Variants in CACNA1C observed in about 807,000 individuals in gnomAD.
The protein encoded by CACNA1C is voltage-dependent L-type calcium channel subunit alpha-1C.
A neutral mutation model predicts 229.0 loss-of-function variants in CACNA1C; 30 were observed. That is an observed-to-expected ratio of 0.13 (90% CI 0.10 to 0.18). The LOEUF is 0.18. Ranked by LOEUF, CACNA1C falls within the 10% of genes least tolerant of loss-of-function variation. The pLI is 1.00. For missense variants in CACNA1C, 1,658 were observed against 2,845.0 expected (o/e 0.58, Z 9.49); for synonymous variants, 1,114 against 1,132.5 (o/e 0.98, Z 0.33).
intron 3 of CACNA1C, among the ~76,000 whole-genome samples, chr12:2,381,588 C>T (rs1164733895): frequency 6.6e-6 from 1 of 152,194 alleles, no homozygotes; most frequent in Non-Finnish European, 1.5e-5. Flanking sequence ...TCCAGGTTTT[C>T]CTCGATGTAA....
chr12:2,099,995 A>T (rs896305854), intron 1 of CACNA1C, among the ~76,000 whole-genome samples: 2 of 152,236 alleles, frequency 1.3e-5, no homozygotes, highest in African/African-American at 2.4e-5. Flanking sequence ...ACAGCTAGCA[A>T]CTGACAGAGG....
chr12:2,541,307 T>C (rs1462529484), intron 9 of CACNA1C, among the ~76,000 whole-genome samples: 1 of 152,132 alleles, frequency 6.6e-6, no homozygotes, highest in African/African-American at 2.4e-5. Context: ...GTCAATGAGG[T>C]AGGAAATGAG....
chr12:2,139,502 C>A (rs1405886473), intron 3 of CACNA1C, among the ~76,000 whole-genome samples: 1 of 151,230 alleles, frequency 6.6e-6, no homozygotes, highest in African/African-American at 2.4e-5. Context: ...ACAGCTGGGG[C>A]CTTGCGCATG....
chr12:2,247,228 A>G (rs1490538431), intron 3 of CACNA1C, among the ~76,000 whole-genome samples: 1 of 152,000 alleles, frequency 6.6e-6, no homozygotes, highest in Admixed American at 6.5e-5. Context: ...CTCTCTCTAT[A>G]TGGTCACAGT....
intron 7 of CACNA1C, among the ~76,000 whole-genome samples, chr12:2,496,962 C>T (rs1424219452): frequency 6.6e-6 from 1 of 152,156 alleles, no homozygotes. Context: ...AGATAAAAAG[C>T]GCTGGCCTTC....
chr12:2,521,072 A>C (rs2099808870), intron 9 of CACNA1C, among the ~76,000 whole-genome samples: 1 of 152,246 alleles, frequency 6.6e-6, no homozygotes. Flanking sequence ...TAACCTTGAT[A>C]AGCCAACAAA....
At chr12:2,652,137 C>G (rs2095052526) in intron 32 of CACNA1C, among the ~76,000 whole-genome samples, 1 of 152,194 alleles carries the variant, frequency 6.6e-6, no homozygotes, top group South Asian at 2.1e-4. Context: ...AACCTGGTGA[C>G]CGCTATGGCC....
At chr12:2,459,409 C>T (rs1478598497) in intron 5 of CACNA1C, among the ~76,000 whole-genome samples, 3 of 152,020 alleles carry the variant, frequency 2.0e-5, no homozygotes, top group African/African-American at 7.2e-5. Context: ...CCTCTGATTC[C>T]CACACAACAT....
At chr12:2,180,115 C>A (rs2096789534) in intron 3 of CACNA1C, among the ~76,000 whole-genome samples, 1 of 152,252 alleles carries the variant, frequency 6.6e-6, no homozygotes, top group Non-Finnish European at 1.5e-5. Context: ...GTAACCCCAA[C>A]AGTGTCTGTT....
intron 18 of CACNA1C, among the ~76,000 whole-genome samples, chr12:2,588,045 C>G (rs1344144950): frequency 6.6e-6 from 1 of 152,242 alleles, no homozygotes; most frequent in East Asian, 1.9e-4. Context: ...TGCTTCCCAG[C>G]TCTTCCTGCC....
At chr12:2,372,501 C>T (rs901330243) in intron 3 of CACNA1C, among the ~76,000 whole-genome samples, 5 of 152,168 alleles carry the variant, frequency 3.3e-5, no homozygotes, top group African/African-American at 9.7e-5. Context: ...CCAGTTAATC[C>T]AGGAGAGATG....
Position 2,602,125 on chromosome 12 carries a change from G to GT in CACNA1C, c.2960+166dup, listed in dbSNP as rs975017980. 6.6e-6 allele frequency among the ~76,000 whole-genome samples: 1 copy of GT among 152,230 alleles called. No individual in the cohort carries two copies. The highest frequency in any genetic ancestry group is 2.4e-5 in the African/African-American group (1 of 41,464). On this transcript the variant is annotated intron_variant, in intron 22 of 46. Transcript: ENST00000399655. This position sits in a 1 kb window ranked among gnomAD's most constrained non-coding sequence, Gnocchi z 4.4. ...GGTGGCTTTGGGTTCTTGGTTCTGT[G>GT]TCCTCAGTGGTCTGATACTTGGGGC... is the stretch of plus-strand genomic sequence containing the variant.
At chr12:2,407,372 C>A (rs1432188944) in intron 3 of CACNA1C, among the ~76,000 whole-genome samples, 1 of 81,576 alleles carries the variant, frequency 1.2e-5, no homozygotes, top group African/African-American at 4.1e-5. Context: ...TCGTCTCCAC[C>A]GACACCATGT....
chr12:2,534,942 C>G (rs1403147340), intron 9 of CACNA1C, among the ~76,000 whole-genome samples: 1 of 152,184 alleles, frequency 6.6e-6, no homozygotes, highest in African/African-American at 2.4e-5. Context: ...ATTATTGCCC[C>G]CTTTAGACAT....
intron 1 of CACNA1C, among the ~76,000 whole-genome samples, chr12:2,096,785 C>T (rs1350618747): frequency 6.6e-6 from 1 of 152,192 alleles, no homozygotes; most frequent in South Asian, 2.1e-4. Flanking sequence ...TACTTTCTCT[C>T]TTTACAACTA....
At chr12:2,208,435 G>T (rs2097821419) in intron 3 of CACNA1C, among the ~76,000 whole-genome samples, 1 of 152,200 alleles carries the variant, frequency 6.6e-6, no homozygotes, top group African/African-American at 2.4e-5. Context: ...AGGTCTTGAT[G>T]AGGGCTGCCC....
At chr12:2,484,923 ATC>A (rs2099692152) in intron 5 of CACNA1C, among the ~76,000 whole-genome samples, 1 of 80,644 alleles carries the variant, frequency 1.2e-5, no homozygotes, top group East Asian at 4.3e-4. Context: ...TTTTTTTTTT[ATC>A]TTCCCAGCTT....
At chr12:2,000,317 AAC>A (rs2041893550) in intron 1 of CACNA1C, among the ~76,000 whole-genome samples, 1 of 152,210 alleles carries the variant, frequency 6.6e-6, no homozygotes, top group Admixed American at 6.5e-5. Flanking sequence ...ACAAGATCAA[AAC>A]ACTCTCCTGG....
Position 2,493,451 on chromosome 12 carries a change from C to A in CACNA1C, c.1113+65C>A. 1.7e-6 allele frequency: 2 copies of A among 1,182,596 alleles called. No individual in the cohort carries two copies. The highest frequency in any genetic ancestry group is 2.5e-6 in the Non-Finnish European group (2 of 794,918). 73.3% of individuals were successfully genotyped at this position (1,182,596 alleles called of 1,614,324 possible). ...GCGGCCGTGAACCCTTCCCTGACAC[C>A]TCCCTTTCTCCTCCTCCCCATGGTC... On this transcript the variant is annotated intron_variant, in intron 7 of 46. Coordinates refer to ENST00000399655, the MANE Select transcript of CACNA1C (RefSeq NM_000719.7). The surrounding 1 kb of genome is among the most constrained non-coding windows in gnomAD (Gnocchi z 4.6).
Sources: gnomAD v4.1 joint callset for allele counts (sites outside exome capture counted in the v4.1 genomes callset) on GRCh38, gnomAD v4.1.1 for gene constraint, Gnocchi (gnomAD v3.1) non-coding constraint, MANE v1.5 for transcripts, NCBI Gene and HGNC (gene_info 2026-07-23, HGNC 2026-07-21) for gene names.